Variants in KIAA0586 observed in about 807,000 individuals in gnomAD.
KIAA0586 encodes the protein protein TALPID3.
KIAA0586 carries 144 observed loss-of-function variants against 169.8 expected under a neutral mutation model. The ratio of observed to expected loss-of-function variants is 0.85; its 90% confidence interval spans 0.74 to 0.97. The LOEUF (loss-of-function observed/expected upper bound fraction) is 0.97, where lower values mean the gene tolerates loss of function less well. Among genes scored for constraint, KIAA0586 ranks in the 50% least tolerant of loss-of-function variants. The pLI, the probability that KIAA0586 is intolerant of heterozygous loss-of-function variation, is 0.00. For synonymous variants in KIAA0586, 625 were observed against 612.4 expected, an observed-to-expected ratio of 1.02 and a Z score of -0.30; for missense variants, 1,854 against 1,823.0, an observed-to-expected ratio of 1.02 and a Z score of -0.31.
At chr14:58,528,952 C>CACT (rs1230238999) in intron 29 of KIAA0586, among the ~76,000 whole-genome samples, 1 of 151,922 alleles carries the variant, frequency 6.6e-6, no homozygotes, top group Non-Finnish European at 1.5e-5. Context: ...ATGGATAGAC[C>CACT]ACTAGCTAGA....
At chr14:58,430,572 T>C (rs568467552) in intron 2 of KIAA0586, 76 bp from the exon 3 acceptor site, 1 of 831,680 alleles carries the variant, frequency 1.2e-6, no homozygotes. Context: ...AGTAGTCACA[T>C]AGCTAGTAAA....
rs923080638 is a variant in KIAA0586 at position 58,427,767 on chromosome 14, A to G, written c.-498A>G. 2.0e-6 allele frequency: 3 copies of G among 1,530,138 alleles called. No homozygotes were observed. The highest frequency in any genetic ancestry group is 2.0e-5 in the Admixed American group (1 of 50,586). 94.8% of individuals were successfully genotyped at this position (1,530,138 alleles called of 1,614,324 possible). On this transcript the variant is annotated 5_prime_UTR_variant, in exon 1 of 31. Transcript: ENST00000652326. ...ACGGTGCGGGTCTCGGGCGTTCTGG[A>G]GATACGTAGGGGTGAATTTATGTTT...
chr14:58,468,781 G>A (rs750136824), intron 16 of KIAA0586, among the ~76,000 whole-genome samples: 2 of 152,180 alleles, frequency 1.3e-5, no homozygotes, highest in Non-Finnish European at 2.9e-5. Context: ...AAACTTTTTG[G>A]CTGATTTACT....
At chr14:58,440,049 AT>A (rs59044231) in intron 4 of KIAA0586, 1,745 of 164,076 alleles carry the variant, frequency 0.011, 3 homozygotes, top group South Asian at 0.021. Context: ...TTAATTTTTA[AT>A]TTTTTTTTTT....
chr14:58,523,044 A>G (rs2045333973), intron 29 of KIAA0586, among the ~76,000 whole-genome samples: 1 of 152,058 alleles, frequency 6.6e-6, no homozygotes, highest in Admixed American at 6.6e-5. Flanking sequence ...TATATATAAT[A>G]TCTATATCTA....
At chr14:58,483,901 A>G (rs1382232523) in intron 21 of KIAA0586, among the ~76,000 whole-genome samples, 2 of 152,204 alleles carry the variant, frequency 1.3e-5, no homozygotes, top group African/African-American at 2.4e-5. Context: ...TTGTTGTGGT[A>G]TAATGTGATT....
chr14:58,492,127 C>T lies in KIAA0586; in HGVS notation c.3859-17C>T, dbSNP rs764917881. ...GAAATAATTTATTTTTATTAATTGT[C>T]TTTATGTTTCTTTTAGGAGGATGAT... On this transcript the variant is annotated splice_polypyrimidine_tract_variant and intron_variant, in intron 25 of 30. Transcript: ENST00000652326. The T allele has an allele frequency of 6.6e-5, 99 of 1,491,346 alleles. No individual in the cohort carries two copies. Among genetic ancestry groups the T allele is most frequent in the African/African-American group, 1.4e-4 (10 of 70,092 alleles). 92.4% of individuals were successfully genotyped at this position (1,491,346 alleles called of 1,614,324 possible). A position where few individuals can be genotyped will look rare whatever the true frequency, so the allele number is the denominator to read the frequency against.
intron 24 of KIAA0586, among the ~76,000 whole-genome samples, chr14:58,489,671 A>C (rs1039301096): frequency 1.3e-5 from 2 of 152,122 alleles, no homozygotes; most frequent in Non-Finnish European, 2.9e-5. Flanking sequence ...TTCAGTCTAT[A>C]CACAACTCTC....
At chr14:58,557,369 A>T in the KIAA0586 span, among the ~76,000 whole-genome samples, 1 of 152,202 alleles carries the variant, frequency 6.6e-6, no homozygotes, top group East Asian at 1.9e-4. Flanking sequence ...TGTGAGGTGG[A>T]CAGTGGAAGG....
chr14:58,442,578 C>T, intron 4 of KIAA0586, 128 bp from the exon 5 acceptor site: 1 of 637,612 alleles, frequency 1.6e-6, no homozygotes, highest in Non-Finnish European at 2.6e-6. Context: ...ACCAAATGAC[C>T]TTGTTTGATA....
Position 58,439,823 on chromosome 14 carries a change from A to G in KIAA0586, c.411-2883A>G, listed in dbSNP as rs2038149417. The G allele has an allele frequency of 5.1e-6, 5 of 984,388 alleles. No individual in the cohort carries two copies. In the African/African-American group the frequency reaches 7.0e-5, roughly 14 times the overall value. 61.0% of individuals were successfully genotyped at this position (984,388 alleles called of 1,614,324 possible). Reference sequence around the variant, plus strand: ...GTGATGCCCTTAAAAGTCGACGGGGAAGTCCAGCAGCTGGAGATGGAATGT... The same window carrying G: ...GTGATGCCCTTAAAAGTCGACGGGGGAGTCCAGCAGCTGGAGATGGAATGT... On this transcript the variant is annotated intron_variant, in intron 4 of 30. Transcript: ENST00000652326.
intron 8 of KIAA0586, among the ~76,000 whole-genome samples, chr14:58,452,212 G>A (rs113030262): frequency 1.3e-5 from 2 of 151,706 alleles, no homozygotes; most frequent in African/African-American, 4.8e-5. Context: ...CACCAAAATC[G>A]CACAAATCAC....
chr14:58,457,218 G>A (rs1222791920), intron 10 of KIAA0586, among the ~76,000 whole-genome samples: 1 of 152,142 alleles, frequency 6.6e-6, no homozygotes, highest in Non-Finnish European at 1.5e-5. Context: ...GGACTGCTTA[G>A]CACTGCTATG....
chr14:58,537,405 G>T (rs779492690), intron 29 of KIAA0586, among the ~76,000 whole-genome samples: 3 of 152,078 alleles, frequency 2.0e-5, no homozygotes, highest in Non-Finnish European at 2.9e-5. Context: ...CTCAATTAGG[G>T]AGTTAATATT....
chr14:58,428,975 A>G (rs1289962372), intron 1 of KIAA0586, among the ~76,000 whole-genome samples: 4 of 152,220 alleles, frequency 2.6e-5, no homozygotes, highest in Non-Finnish European at 4.4e-5. Flanking sequence ...TATGTGAGCA[A>G]AAACAGCAAA....
At chr14:58,463,075 C>T (rs1482363720) in intron 14 of KIAA0586, among the ~76,000 whole-genome samples, 3 of 152,158 alleles carry the variant, frequency 2.0e-5, no homozygotes, top group Non-Finnish European at 4.4e-5. Context: ...CCTAGGGCCT[C>T]AGTACCTGCC....
chr14:58,470,267 AGT>A (rs1454676725), intron 16 of KIAA0586, among the ~76,000 whole-genome samples: 1 of 152,112 alleles, frequency 6.6e-6, no homozygotes, highest in Non-Finnish European at 1.5e-5. Context: ...AAGCATGATA[AGT>A]GTTTATGGTT....
At chr14:58,458,207 A>G (rs1822011241) in intron 11 of KIAA0586, among the ~76,000 whole-genome samples, 1 of 152,102 alleles carries the variant, frequency 6.6e-6, no homozygotes, top group Non-Finnish European at 1.5e-5. Flanking sequence ...TCTTTGGTAC[A>G]TATCTTCTTG....
chr14:58,459,319 C>G (rs1566826486), intron 12 of KIAA0586, among the ~76,000 whole-genome samples: 1 of 152,146 alleles, frequency 6.6e-6, no homozygotes, highest in East Asian at 1.9e-4. Context: ...GGTACACACA[C>G]AAAAAAAAAT....
Sources: gnomAD v4.1 joint callset for allele counts (sites outside exome capture counted in the v4.1 genomes callset) on GRCh38, gnomAD v4.1.1 for gene constraint, MANE v1.5 for transcripts, NCBI Gene and HGNC (gene_info 2026-07-23, HGNC 2026-07-21) for gene names.